FMNL2: variants seen among roughly 807,000 people sequenced by gnomAD.
FMNL2 encodes the protein formin-like protein 2.
FMNL2 carries 51 observed loss-of-function variants against 130.2 expected under a neutral mutation model. The ratio of observed to expected loss-of-function variants is 0.39; its 90% CI spans 0.31 to 0.49. The LOEUF is 0.49. Ranked by LOEUF, FMNL2 falls within the 20% of genes least tolerant of loss-of-function variation. The pLI, the probability that FMNL2 is intolerant of heterozygous loss-of-function variation, is 0.85. For missense variants in FMNL2, 977 were observed against 1,316.2 expected, an observed-to-expected ratio of 0.74 and a Z score of 3.99; for synonymous variants, 465 against 467.1, an observed-to-expected ratio of 1.00 and a Z score of 0.06.
intron 1 of FMNL2, among the ~76,000 whole-genome samples, chr2:152,480,939 CCTCT>C (rs755918263): frequency 3.9e-5 from 6 of 152,108 alleles, no homozygotes; most frequent in African/African-American, 7.2e-5. Flanking sequence ...AAAATTTTGG[CCTCT>C]CTGTTAGGCA....
intron 1 of FMNL2, among the ~76,000 whole-genome samples, chr2:152,355,752 T>C (rs952527797): frequency 6.6e-6 from 1 of 152,248 alleles, no homozygotes; most frequent in Non-Finnish European, 1.5e-5. Flanking sequence ...TATGATGTGC[T>C]GTAATTTCAG....
At chr2:152,486,161 G>C (rs1347225707) in intron 1 of FMNL2, among the ~76,000 whole-genome samples, 1 of 152,168 alleles carries the variant, frequency 6.6e-6, no homozygotes, top group Non-Finnish European at 1.5e-5. Flanking sequence ...GGATATTCTT[G>C]TCACCTTTCA....
At chr2:152,362,662 A>G (rs1255713938) in intron 1 of FMNL2, among the ~76,000 whole-genome samples, 3 of 151,926 alleles carry the variant, frequency 2.0e-5, no homozygotes, top group Non-Finnish European at 2.9e-5. Flanking sequence ...ATAATCATCC[A>G]TAATCATTGA....
intron 1 of FMNL2, among the ~76,000 whole-genome samples, chr2:152,424,240 C>A (rs1045128959): frequency 2.6e-5 from 4 of 152,092 alleles, no homozygotes; most frequent in Non-Finnish European, 5.9e-5. Flanking sequence ...ATGAAGGAAC[C>A]CGGGCTGGGT....
At chr2:152,549,145 T>A in intron 4 of FMNL2, 48 bp downstream of exon 4, 1 of 1,342,356 alleles carries the variant, frequency 7.4e-7, no homozygotes, top group Non-Finnish European at 1.0e-6. Flanking sequence ...TTGGACACTT[T>A]ACAAAGTAAC....
intron 1 of FMNL2, among the ~76,000 whole-genome samples, chr2:152,471,181 T>A (rs1689840129): frequency 6.6e-6 from 1 of 151,824 alleles, no homozygotes; most frequent in South Asian, 2.1e-4. Flanking sequence ...AAAAGTCCCG[T>A]ACGCTGTCGT....
intron 1 of FMNL2, among the ~76,000 whole-genome samples, chr2:152,489,994 G>A (rs1691055111): frequency 6.6e-6 from 1 of 152,180 alleles, no homozygotes; most frequent in Admixed American, 6.5e-5. Context: ...AGAATAAAAT[G>A]AGTTTTTAAT....
chr2:152,602,125 C>T (rs1219952681), intron 9 of FMNL2, among the ~76,000 whole-genome samples: 1 of 152,190 alleles, frequency 6.6e-6, no homozygotes. Context: ...ACCCTTATAG[C>T]CCTTTACCCC....
intron 1 of FMNL2, among the ~76,000 whole-genome samples, chr2:152,465,052 C>T (rs767136131): frequency 2.0e-5 from 3 of 152,190 alleles, no homozygotes; most frequent in Non-Finnish European, 4.4e-5. Flanking sequence ...ACTTGTAATA[C>T]AGTGGGATCA....
chr2:152,635,720 CCCCGGGA>C (rs1682542559), intron 21 of FMNL2, among the ~76,000 whole-genome samples: 1 of 152,176 alleles, frequency 6.6e-6, no homozygotes, highest in Non-Finnish European at 1.5e-5. Context: ...GGAGTGCCTG[CCCCGGGA>C]GGGGCCACAC....
chr2:152,579,276 A>T (rs1580004561), intron 8 of FMNL2, among the ~76,000 whole-genome samples: 1 of 152,210 alleles, frequency 6.6e-6, no homozygotes, highest in Non-Finnish European at 1.5e-5. Flanking sequence ...CTCGGGGGCC[A>T]GGAGAGTCTT....
chr2:152,569,807 G>A (rs181639958), intron 6 of FMNL2, among the ~76,000 whole-genome samples: 21 of 151,062 alleles, frequency 1.4e-4, no homozygotes, highest in African/African-American at 4.9e-4. Flanking sequence ...CCAGGAGTTC[G>A]AGACCAGCCT....
At chr2:152,409,292 C>T (rs1437578317) in intron 1 of FMNL2, among the ~76,000 whole-genome samples, 1 of 152,082 alleles carries the variant, frequency 6.6e-6, no homozygotes, top group African/African-American at 2.4e-5. Context: ...GGCAAAAATG[C>T]CTTCAGTATA....
At chr2:152,355,177 G>A (rs915610280) in intron 1 of FMNL2, among the ~76,000 whole-genome samples, 2 of 152,056 alleles carry the variant, frequency 1.3e-5, no homozygotes, top group African/African-American at 4.8e-5. Flanking sequence ...TATTTTTGGC[G>A]GGGTGCTAGA....
At chr2:152,488,970 C>G (rs578100942) in intron 1 of FMNL2, among the ~76,000 whole-genome samples, 1 of 152,288 alleles carries the variant, frequency 6.6e-6, no homozygotes, top group African/African-American at 2.4e-5. Context: ...ATTTGGGAGG[C>G]TGAGGCAGGA....
At chr2:152,476,065 A>G (rs1690135248) in intron 1 of FMNL2, among the ~76,000 whole-genome samples, 1 of 152,138 alleles carries the variant, frequency 6.6e-6, no homozygotes, top group African/African-American at 2.4e-5. Context: ...GTGCCCCTTG[A>G]TGCACTTCAC....
chr2:152,631,747 G>A (rs1682185255), intron 20 of FMNL2, among the ~76,000 whole-genome samples: 1 of 152,210 alleles, frequency 6.6e-6, no homozygotes, highest in Non-Finnish European at 1.5e-5. Context: ...GTAGAGGAAA[G>A]CTGCGAATCA....
chr2:152,368,153 C>T (rs1321230274), intron 1 of FMNL2, among the ~76,000 whole-genome samples: 2 of 152,110 alleles, frequency 1.3e-5, no homozygotes, highest in African/African-American at 4.8e-5. Context: ...CATCTGGTCA[C>T]CATCTTTCAT....
chr2:152,551,486 G>A (rs554963157), intron 4 of FMNL2, among the ~76,000 whole-genome samples: 102 of 152,298 alleles, frequency 6.7e-4, no homozygotes, highest in Non-Finnish European at 1.3e-3. Flanking sequence ...ATAAACTTAC[G>A]TGAAGTAAAA....
Sources: allele counts gnomAD v4.1 joint callset (sites outside exome capture counted in the v4.1 genomes callset), GRCh38; gene constraint gnomAD v4.1.1; transcripts MANE v1.5; gene names NCBI Gene and HGNC (gene_info 2026-07-23, HGNC 2026-07-21).